TRAPPC9: variants seen among roughly 807,000 people sequenced by gnomAD.
TRAPPC9 encodes the protein trafficking protein particle complex subunit 9.
A neutral mutation model predicts 124.0 loss-of-function variants in TRAPPC9; 83 were observed. The ratio of observed to expected loss-of-function variants is 0.67; its 90% CI spans 0.56 to 0.80. The LOEUF is 0.80. Ranked by LOEUF, TRAPPC9 falls within the 30% of genes least tolerant of loss-of-function variation. TRAPPC9 has a pLI of 0.00. For missense variants in TRAPPC9, 1,302 were observed against 1,508.3 expected, an observed-to-expected ratio of 0.86 and a Z score of 2.27; for synonymous variants, 638 against 617.5, an observed-to-expected ratio of 1.03 and a Z score of -0.49.
At chr8:140,440,967 TG>T in intron 2 of TRAPPC9, among the ~76,000 whole-genome samples, 3 of 143,100 alleles carry the variant, frequency 2.1e-5, no homozygotes, top group Non-Finnish European at 4.5e-5. Flanking sequence ...TCTAGAACAC[TG>T]TTACTTTTTT....
intron 11 of TRAPPC9, among the ~76,000 whole-genome samples, chr8:140,293,105 C>A (rs2065709179): frequency 6.7e-6 from 1 of 148,320 alleles, no homozygotes; most frequent in African/African-American, 2.6e-5. Context: ...CCAAAAAACA[C>A]ATGAAAAAAT....
intron 19 of TRAPPC9, among the ~76,000 whole-genome samples, chr8:139,965,789 C>CAAGGGGAAATACAAACAATGCA (rs1835667156): frequency 1.7e-4 from 26 of 152,066 alleles, no homozygotes; most frequent in South Asian, 4.1e-4. Context: ...CCATGTTGAG[C>CAAGGGGAAATACAAACAATGCA]AGAGTTGGCT....
Position 139,852,670 on chromosome 8 carries a change from T to C in TRAPPC9, c.3055+33209A>G, listed in dbSNP as rs902605821. ...TTGGAAATCATGTGTTTATCTTCCA[T>C]CGGGCAGCACAAACCAAAGAAAATA... On this transcript the variant is annotated intron_variant, in intron 21 of 22. Coordinates refer to ENST00000438773, the MANE Select transcript of TRAPPC9 (RefSeq NM_001160372.4). Among the ~76,000 whole-genome samples the C allele has an allele frequency of 3.3e-5, 5 of 152,336 alleles. No homozygotes were observed. The East Asian group carries it at 9.6e-4, about 29-fold the overall frequency.
chr8:140,213,661 C>T (rs1284828778), intron 17 of TRAPPC9, among the ~76,000 whole-genome samples: 1 of 151,982 alleles, frequency 6.6e-6, no homozygotes, highest in Non-Finnish European at 1.5e-5. Flanking sequence ...GAAGCTACAG[C>T]TATTACACCT....
At chr8:140,247,689 G>C (rs2064020503) in intron 16 of TRAPPC9, among the ~76,000 whole-genome samples, 2 of 152,096 alleles carry the variant, frequency 1.3e-5, no homozygotes, top group Admixed American at 6.5e-5. Flanking sequence ...ATGCATGCAT[G>C]CATGTACGTT....
intron 19 of TRAPPC9, among the ~76,000 whole-genome samples, chr8:139,949,334 A>G (rs1206264903): frequency 6.6e-6 from 1 of 152,220 alleles, no homozygotes; most frequent in African/African-American, 2.4e-5. Flanking sequence ...AAAGCTGACT[A>G]AAGAAAAAAC....
At chr8:140,173,795 C>T (rs548184068) in intron 17 of TRAPPC9, among the ~76,000 whole-genome samples, 100 of 152,244 alleles carry the variant, frequency 6.6e-4, no homozygotes, top group African/African-American at 1.9e-3. Flanking sequence ...CAATGTGGTA[C>T]GGAAATATCA....
At chr8:140,289,557 C>T (rs2065589283) in intron 12 of TRAPPC9, among the ~76,000 whole-genome samples, 1 of 152,086 alleles carries the variant, frequency 6.6e-6, no homozygotes, top group South Asian at 2.1e-4. Context: ...GTTTTTAAAA[C>T]TTTGCCCATG....
chr8:140,283,871 G>C lies in TRAPPC9; in HGVS notation c.2114+18C>G. ...ATGCCTCAGAGCCACTCTGCTCTGT[G>C]ACCCTCGTGCACACTACCTGGGCAG... On this transcript the variant is annotated intron_variant, in intron 14 of 22. Coordinates refer to ENST00000438773, the MANE Select transcript of TRAPPC9 (RefSeq NM_001160372.4). 6.2e-7 allele frequency: 1 copy of C among 1,613,684 alleles called. No homozygotes were observed. The highest frequency in any genetic ancestry group is 8.5e-7 in the Non-Finnish European group (1 of 1,179,906).
At chr8:139,879,601 C>T (rs1249542024) in intron 21 of TRAPPC9, among the ~76,000 whole-genome samples, 2 of 152,236 alleles carry the variant, frequency 1.3e-5, no homozygotes, top group Non-Finnish European at 2.9e-5. Context: ...CAAATGCCCT[C>T]TGCCTGCAGG....
intron 5 of TRAPPC9, among the ~76,000 whole-genome samples, chr8:140,418,727 T>C (rs533079538): frequency 3.0e-4 from 25 of 83,156 alleles, no homozygotes; most frequent in African/African-American, 4.9e-4. Context: ...CTCAAAAAGA[T>C]AGATAGATAG....
chr8:140,154,607 AACTC>A (rs2061599054), intron 17 of TRAPPC9, among the ~76,000 whole-genome samples: 1 of 151,898 alleles, frequency 6.6e-6, no homozygotes, highest in African/African-American at 2.4e-5. Context: ...TCTTCCTTTC[AACTC>A]ACTAACGATT....
At chr8:140,425,583 C>T (rs907185455) in intron 5 of TRAPPC9, among the ~76,000 whole-genome samples, 2 of 151,984 alleles carry the variant, frequency 1.3e-5, no homozygotes, top group Non-Finnish European at 2.9e-5. Flanking sequence ...ATATGGTGTA[C>T]ACATCTAATT....
rs189734424 is a variant in TRAPPC9, at chr8:140,271,498, G to C, written c.2278+4160C>G. ...AGCTCACACCAAGGGTATACATAAA[G>C]AAGTCCTCCAAGTCAGGAGAGATGG... On this transcript the variant is annotated intron_variant, in intron 15 of 22. Coordinates refer to ENST00000438773, the MANE Select transcript of TRAPPC9 (RefSeq NM_001160372.4). Among the ~76,000 whole-genome samples, 46 of 152,218 alleles carry C rather than the reference G, an allele frequency of 3.0e-4. No homozygotes were observed. The East Asian group carries it at 6.8e-3, about 22-fold the overall frequency.
chr8:140,074,154 T>G (rs915153002), intron 17 of TRAPPC9, among the ~76,000 whole-genome samples: 1 of 152,080 alleles, frequency 6.6e-6, no homozygotes, highest in Non-Finnish European at 1.5e-5. Flanking sequence ...GAATGAGTAG[T>G]GCAGGGCAGG....
In TRAPPC9 at chr8:140,077,923, T is replaced by C. The variant is rs192185196; in HGVS notation, c.2557-53844A>G. On this transcript the variant is annotated intron_variant, in intron 17 of 22. Coordinates refer to ENST00000438773, the MANE Select transcript of TRAPPC9 (RefSeq NM_001160372.4). ...CAGCATGGACAATCGTGATGTTTCT[T>C]ATGGAAAAACATGACTTTCCTCAGA... Among the ~76,000 whole-genome samples, 9 of 152,242 alleles carry C rather than the reference T, an allele frequency of 5.9e-5. No homozygotes were observed. The East Asian group carries it at 1.7e-3, about 30-fold the overall frequency.
At chr8:139,975,927 C>CTTTTTTTTTTTTTTTTTT (rs528679775) in intron 19 of TRAPPC9, among the ~76,000 whole-genome samples, 2 of 95,568 alleles carry the variant, frequency 2.1e-5, no homozygotes, top group Non-Finnish European at 4.0e-5. Flanking sequence ...AAAGGACAGT[C>CTTTTTTTTTTTTTTTTTT]TTTTTTTTTT....
chr8:140,416,981 T>C (rs2069955982), intron 5 of TRAPPC9, among the ~76,000 whole-genome samples: 1 of 152,196 alleles, frequency 6.6e-6, no homozygotes, highest in Non-Finnish European at 1.5e-5. Context: ...AGATTCCCTA[T>C]TTAATAAATG....
At chr8:140,268,989 TG>T (rs1450578996) in intron 15 of TRAPPC9, among the ~76,000 whole-genome samples, 1 of 151,930 alleles carries the variant, frequency 6.6e-6, no homozygotes, top group Non-Finnish European at 1.5e-5. Flanking sequence ...GCCCCGGGGC[TG>T]GGGCAGGGAT....
Sources: gnomAD v4.1 joint callset for allele counts (sites outside exome capture counted in the v4.1 genomes callset) on GRCh38, gnomAD v4.1.1 for gene constraint, MANE v1.5 for transcripts, NCBI Gene and HGNC (gene_info 2026-07-23, HGNC 2026-07-21) for gene names.